SUCLG1: variants seen among roughly 807,000 people sequenced by gnomAD.
SUCLG1 encodes succinate-CoA ligase GDP/ADP-forming subunit alpha.
SUCLG1 carries 26 observed loss-of-function variants against 37.3 expected under a neutral mutation model. The observed-to-expected ratio is 0.70, with a 90% confidence interval of 0.51 to 0.97. The LOEUF is 0.97. Among genes scored for constraint, SUCLG1 ranks in the 50% least tolerant of loss-of-function variants. The probability of loss-of-function intolerance (pLI) is 0.00; values close to 1 mark genes in which losing one functional copy is unlikely to be tolerated. For synonymous variants in SUCLG1, 163 were observed against 155.6 expected (o/e 1.05, Z -0.36); for missense variants, 433 against 432.9 (o/e 1.00, Z 0.00).
intron 1 of SUCLG1, among the ~76,000 whole-genome samples, chr2:84,458,794 C>T (rs1298238997): frequency 6.6e-6 from 1 of 152,184 alleles, no homozygotes; most frequent in Non-Finnish European, 1.5e-5. Flanking sequence ...AGACCCTTAC[C>T]TTCCCCACCA....
At chr2:84,433,281 A>G in intron 6 of SUCLG1, 71 bp downstream of exon 6, 1 of 1,247,360 alleles carries the variant, frequency 8.0e-7, no homozygotes, top group Middle Eastern at 1.9e-4. Flanking sequence ...AATAAAATCA[A>G]TAATTATTAT....
chr2:84,443,423 C>T (rs763941185), intron 2 of SUCLG1, 23 bp from the exon 3 acceptor site: 1 of 1,605,966 alleles, frequency 6.2e-7, no homozygotes, highest in East Asian at 2.2e-5. Flanking sequence ...AGCACAAGAT[C>T]CATGAGAAAC....
At chr2:84,427,309 G>C (rs934130324) in intron 7 of SUCLG1, among the ~76,000 whole-genome samples, 3 of 152,206 alleles carry the variant, frequency 2.0e-5, no homozygotes, top group Non-Finnish European at 2.9e-5. Flanking sequence ...TTTCTTACAG[G>C]TTAGGTGCAA....
intron 3 of SUCLG1, among the ~76,000 whole-genome samples, chr2:84,442,552 C>T (rs1184982908): frequency 1.3e-5 from 2 of 152,144 alleles, no homozygotes; most frequent in Non-Finnish European, 2.9e-5. Flanking sequence ...TAGCTCCCTA[C>T]AGAGGCAAAA....
At chr2:84,444,343 G>A (rs992884307) in intron 2 of SUCLG1, among the ~76,000 whole-genome samples, 1 of 152,196 alleles carries the variant, frequency 6.6e-6, no homozygotes, top group African/African-American at 2.4e-5. Context: ...AAAGCTGGGT[G>A]TCCGGGGAAG....
chr2:84,443,282 A>C lies in SUCLG1; in HGVS notation c.318+2T>G. On this transcript the variant is annotated splice_donor_variant, in intron 3 of 8. Transcript: ENST00000393868. LOFTEE classifies it high-confidence loss of function. ...TTGCCAAACTCAGGTACCACTAATT[A>C]CCTCCTTCACAGTATTAAAGACAGG... is the stretch of plus-strand genomic sequence containing the variant. 1 of 1,612,810 alleles carries C rather than the reference A, an allele frequency of 6.2e-7. No homozygotes were observed. Among genetic ancestry groups the C allele is most frequent in the Non-Finnish European group, 8.5e-7 (1 of 1,178,858 alleles).
intron 3 of SUCLG1, among the ~76,000 whole-genome samples, chr2:84,442,558 C>CA (rs778299697): frequency 6.6e-6 from 1 of 152,138 alleles, no homozygotes; most frequent in East Asian, 1.9e-4. Context: ...CCTACAGAGG[C>CA]AAAATCTGAG....
chr2:84,443,849 AC>A (rs2104257395), intron 2 of SUCLG1, among the ~76,000 whole-genome samples: 1 of 152,314 alleles, frequency 6.6e-6, no homozygotes, highest in East Asian at 1.9e-4. Context: ...AAACAAAAAA[AC>A]ATGTCAACTG....
intron 2 of SUCLG1, among the ~76,000 whole-genome samples, chr2:84,446,273 T>A (rs1350961024): frequency 1.3e-5 from 2 of 152,224 alleles, no homozygotes; most frequent in East Asian, 3.8e-4. Context: ...GTTGATATAT[T>A]CCCCACCAAC....
At position 84,425,462 on chromosome 2, in the gene SUCLG1, C is replaced by G. The variant is rs754747795; in HGVS notation, c.967G>C (p.Val323Leu). Residue 323 changes from valine (V) to leucine (L), a missense_variant, in exon 8 of 9, where the codon GTT becomes CTT. By Grantham distance (32) the Val-to-Leu change is conservative. Transcript: ENST00000393868. ...EKISALQSAGVVVSMSPAQLG... is the reference protein window; with the variant it reads ...EKISALQSAGLVVSMSPAQLG... ...TGTGCAGGAGACATACTGACCACAA[C>G]TCCTGCACTCTGAAGGGCAGAGATC... 1 of 1,614,208 alleles carries G rather than the reference C, an allele frequency of 6.2e-7. No individual in the cohort carries two copies.
chr2:84,429,031 A>T (rs1287381837), intron 7 of SUCLG1, among the ~76,000 whole-genome samples: 1 of 152,248 alleles, frequency 6.6e-6, no homozygotes, highest in Non-Finnish European at 1.5e-5. Context: ...TAAACACCAG[A>T]ACGTTTGCAA....
Position 84,456,991 on chromosome 2 carries a change from A to G in SUCLG1, c.97+2182T>C, listed in dbSNP as rs1304570271. Among the ~76,000 whole-genome samples, 3 of 152,212 alleles carry G rather than the reference A, an allele frequency of 2.0e-5. No individual in the cohort carries two copies. In the East Asian group the frequency reaches 5.8e-4, roughly 29 times the overall value. ...TTCCTTTTTTCATAAGCTATAAAAC[A>G]GGGCTCCGGAAGGCATCTACCAGTG... On this transcript the variant is annotated intron_variant, in intron 1 of 8. Transcript: ENST00000393868.
chr2:84,436,648 G>A (rs1166317154), intron 5 of SUCLG1, among the ~76,000 whole-genome samples: 1 of 152,160 alleles, frequency 6.6e-6, no homozygotes, highest in Non-Finnish European at 1.5e-5. Flanking sequence ...TCTTGGCTTG[G>A]CAAAATAAAT....
At chr2:84,427,059 C>T (rs543016655) in intron 7 of SUCLG1, 3 of 153,726 alleles carry the variant, frequency 2.0e-5, no homozygotes, top group Admixed American at 1.3e-4. Flanking sequence ...AGAAGAGTTG[C>T]GTTATTTTAC....
chr2:84,445,347 T>C (rs1342331588), intron 2 of SUCLG1, among the ~76,000 whole-genome samples: 2 of 152,210 alleles, frequency 1.3e-5, no homozygotes, highest in Admixed American at 6.5e-5. Flanking sequence ...TCTAAATTCA[T>C]GCCCTTGGTG....
At chr2:84,448,743 C>T (rs1553394269) in intron 2 of SUCLG1, among the ~76,000 whole-genome samples, 3 of 151,742 alleles carry the variant, frequency 2.0e-5, no homozygotes, top group Non-Finnish European at 4.4e-5. Context: ...TGTAAATACA[C>T]AGACCATATA....
chr2:84,431,341 G>A (rs1368152027), intron 7 of SUCLG1, among the ~76,000 whole-genome samples, 167 bp downstream of exon 7: 2 of 152,150 alleles, frequency 1.3e-5, no homozygotes, highest in Non-Finnish European at 2.9e-5. Flanking sequence ...AATCAACCCA[G>A]AAATAATACA....
intron 1 of SUCLG1, among the ~76,000 whole-genome samples, chr2:84,450,455 C>A (rs1672923164): frequency 6.7e-6 from 1 of 150,190 alleles, no homozygotes; most frequent in Non-Finnish European, 1.5e-5. Flanking sequence ...AGCAACCTAC[C>A]TAAAAGAGAA....
At chr2:84,459,123 C>T (rs1338500809) in intron 1 of SUCLG1, 50 bp downstream of exon 1, 8 of 1,514,186 alleles carry the variant, frequency 5.3e-6, no homozygotes, top group South Asian at 1.2e-5. Flanking sequence ...TTGGGTCCGG[C>T]GGGGCCAATA....
Sources: gnomAD v4.1 joint callset for allele counts (sites outside exome capture counted in the v4.1 genomes callset) on GRCh38, gnomAD v4.1.1 for gene constraint, MANE v1.5 for transcripts, NCBI Gene and HGNC (gene_info 2026-07-23, HGNC 2026-07-21) for gene names.